Variants in VWA8 observed in about 807,000 individuals in gnomAD.
The protein encoded by VWA8 is von Willebrand factor A domain containing 8, also known as von Willebrand factor A domain-containing protein 8.
A neutral mutation model predicts 241.5 loss-of-function variants in VWA8; 221 were observed. The observed-to-expected ratio is 0.91, with a 90% CI of 0.82 to 1.02. The LOEUF (loss-of-function observed/expected upper bound fraction) is 1.02. VWA8 is among the 50% of genes least tolerant of loss of function. VWA8 has a pLI of 0.00. For missense variants in VWA8, 2,322 were observed against 2,328.7 expected, an observed-to-expected ratio of 1.00 and a Z score of 0.06; for synonymous variants, 852 against 827.1, an observed-to-expected ratio of 1.03 and a Z score of -0.52.
intron 40 of VWA8, among the ~76,000 whole-genome samples, chr13:41,597,208 C>T (rs2044494515): frequency 6.6e-6 from 1 of 152,004 alleles, no homozygotes; most frequent in Non-Finnish European, 1.5e-5. Context: ...ACATTAGCTC[C>T]CATTATTTTA....
intron 37 of VWA8, among the ~76,000 whole-genome samples, chr13:41,648,137 C>T (rs2139685742): frequency 6.6e-6 from 1 of 152,246 alleles, no homozygotes; most frequent in South Asian, 2.1e-4. Flanking sequence ...TAGAAAAATG[C>T]CTTTGGACGG....
At chr13:41,822,108 T>C (rs993207880) in intron 14 of VWA8, among the ~76,000 whole-genome samples, 4 of 152,158 alleles carry the variant, frequency 2.6e-5, no homozygotes, top group African/African-American at 9.7e-5. Context: ...TGGGTATTTA[T>C]AAATATTAAA....
chr13:41,754,479 T>C (rs888480642), intron 21 of VWA8, among the ~76,000 whole-genome samples: 2 of 152,078 alleles, frequency 1.3e-5, no homozygotes, highest in South Asian at 2.1e-4. Context: ...ACAGGTACAT[T>C]AGTAGGTGTG....
chr13:41,623,062 C>T (rs1421762472), intron 37 of VWA8, among the ~76,000 whole-genome samples: 3 of 152,136 alleles, frequency 2.0e-5, no homozygotes, highest in Non-Finnish European at 2.9e-5. Flanking sequence ...TGGTCTGAGA[C>T]GTGAGGGAAA....
intron 42 of VWA8, among the ~76,000 whole-genome samples, chr13:41,576,236 T>C (rs1210278765): frequency 6.6e-6 from 1 of 152,240 alleles, no homozygotes; most frequent in Non-Finnish European, 1.5e-5. Flanking sequence ...GGCCACAGCT[T>C]ATTTCTCTTT....
Position 41,854,605 on chromosome 13 carries a change from T to C in VWA8, c.1425+11131A>G, listed in dbSNP as rs112342068. Among the ~76,000 whole-genome samples the C allele has an allele frequency of 3.7e-3, 562 of 152,162 alleles. 3 individuals are homozygous for C. The highest frequency in any genetic ancestry group is 0.013 in the African/African-American group (534 of 41,540). On this transcript the variant is annotated intron_variant, in intron 12 of 44. Transcript: ENST00000379310. ...CTGGAAGAGTTCTTTAAGACAAATA[T>C]GAAAATTCTAAGTGATAAAGTCTTA... is the stretch of plus-strand genomic sequence containing the variant.
In VWA8 at chr13:41,699,229, C is replaced by T. The variant is rs767649983; in HGVS notation, c.3406G>A (p.Ala1136Thr). ...GTCATATTCATAAAGTACAGGGAAG[C>T]GGGATTGCATGTAACTACATAGAGA... ...NTLYVVTCNP[A>T]SLYFMNMTGK... Residue 1136 changes from alanine to threonine, a missense_variant, in exon 29 of 45, where the codon GCT becomes ACT. Coordinates refer to ENST00000379310, the MANE Select transcript of VWA8 (RefSeq NM_015058.2). 25 of 1,613,938 alleles carry T rather than the reference C, an allele frequency of 1.5e-5. No homozygotes were observed. The Admixed American group carries it at 2.0e-4, about 13-fold the overall frequency.
At chr13:41,707,892 G>GA (rs1256566413) in intron 26 of VWA8, among the ~76,000 whole-genome samples, 1 of 151,906 alleles carries the variant, frequency 6.6e-6, no homozygotes, top group Admixed American at 6.6e-5. Flanking sequence ...TCCTTTCTGG[G>GA]AAAAATGAAT....
chr13:41,939,378 A>C (rs1022329607), intron 2 of VWA8, among the ~76,000 whole-genome samples: 1 of 152,216 alleles, frequency 6.6e-6, no homozygotes, highest in African/African-American at 2.4e-5. Context: ...GAAAAGTAAA[A>C]AAGCATTTAT....
chr13:41,815,695 A>G (rs999247809), intron 16 of VWA8, among the ~76,000 whole-genome samples: 9 of 152,220 alleles, frequency 5.9e-5, no homozygotes, highest in Non-Finnish European at 7.3e-5. Context: ...TGTCCAGACA[A>G]AGAAAAAATA....
intron 2 of VWA8, among the ~76,000 whole-genome samples, chr13:41,944,193 A>C (rs1356659649): frequency 6.6e-6 from 1 of 151,788 alleles, no homozygotes; most frequent in Non-Finnish European, 1.5e-5. Flanking sequence ...AGGACCTCTG[A>C]AAATTCATTC....
At chr13:41,783,646 A>AG in intron 19 of VWA8, 149 bp downstream of exon 19, 1 of 599,938 alleles carries the variant, frequency 1.7e-6, no homozygotes, top group East Asian at 3.3e-5. Flanking sequence ...ACAGAAAAAA[A>AG]AAAAAAAAAG....
intron 24 of VWA8, among the ~76,000 whole-genome samples, chr13:41,723,307 C>T (rs917423756): frequency 2.6e-5 from 4 of 152,148 alleles, no homozygotes; most frequent in Admixed American, 6.5e-5. Context: ...GAGGAACCAA[C>T]ACAAATGCTG....
intron 17 of VWA8, among the ~76,000 whole-genome samples, chr13:41,796,888 C>A (rs1377764353): frequency 1.3e-5 from 2 of 150,820 alleles, no homozygotes; most frequent in African/African-American, 4.9e-5. Flanking sequence ...CTAATTTCTT[C>A]TTTTGATGTC....
At chr13:41,585,527 C>A (rs1268030491) in intron 42 of VWA8, among the ~76,000 whole-genome samples, 1 of 152,108 alleles carries the variant, frequency 6.6e-6, no homozygotes, top group Non-Finnish European at 1.5e-5. Flanking sequence ...ATGAATCTGC[C>A]AATTTTAATG....
Position 41,949,972 on chromosome 13 carries a change from T to C in VWA8, c.205A>G (p.Ile69Val). 1 of 1,596,110 alleles carries C rather than the reference T, an allele frequency of 6.3e-7. No individual in the cohort carries two copies. Residue 69 changes from isoleucine to valine, a missense_variant, in exon 2 of 45, where the codon ATT becomes GTT. Physicochemically the swap from Ile to Val is conservative, Grantham distance 29 (BLOSUM62 3). Coordinates refer to ENST00000379310, the MANE Select transcript of VWA8 (RefSeq NM_015058.2). ...NIGDVSYKLK[I>V]PKNPELVPQN... Reference sequence around the variant, plus strand: ...GGCACAAGTTCTGGATTCTTAGGAATTTTCAACTTGTAGGATACATCTCCA... The same window carrying C: ...GGCACAAGTTCTGGATTCTTAGGAACTTTCAACTTGTAGGATACATCTCCA...
intron 12 of VWA8, among the ~76,000 whole-genome samples, chr13:41,864,915 G>C (rs2138048367): frequency 6.6e-6 from 1 of 151,420 alleles, no homozygotes; most frequent in South Asian, 2.1e-4. Context: ...TTGAACCCGG[G>C]GTGGGCAGAG....
intron 42 of VWA8, among the ~76,000 whole-genome samples, chr13:41,577,955 TA>T (rs1409799701): frequency 6.6e-6 from 1 of 152,336 alleles, no homozygotes; most frequent in Admixed American, 6.5e-5. Flanking sequence ...TGGTCTTTAG[TA>T]AAACAAGATA....
chr13:41,839,096 A>G (rs940256318), intron 12 of VWA8, among the ~76,000 whole-genome samples: 10 of 152,104 alleles, frequency 6.6e-5, no homozygotes, highest in African/African-American at 2.4e-4. Flanking sequence ...TGGTTGAACT[A>G]ATTTACACTC....
Sources: gnomAD v4.1 joint callset for allele counts (sites outside exome capture counted in the v4.1 genomes callset) on GRCh38, gnomAD v4.1.1 for gene constraint, MANE v1.5 for transcripts, NCBI Gene and HGNC (gene_info 2026-07-23, HGNC 2026-07-21) for gene names.